The following ATP10B variants were observed in gnomAD, a reference collection of about 807,000 sequenced individuals.
ATP10B encodes phospholipid-transporting ATPase VB.
ATP10B carries 122 observed loss-of-function variants against 141.2 expected under a neutral mutation model. That is an observed-to-expected ratio of 0.86 (90% CI 0.75 to 1.00). The LOEUF is 1.00. ATP10B is among the 50% of genes least tolerant of loss of function. The pLI, the probability that ATP10B is intolerant of heterozygous loss-of-function variation, is 0.00. For synonymous variants in ATP10B, 685 were observed against 692.0 expected (o/e 0.99, Z 0.16); for missense variants, 1,876 against 1,825.3 (o/e 1.03, Z -0.51).
At chr5:160,820,937 A>G (rs970146661) in intron 1 of ATP10B, among the ~76,000 whole-genome samples, 5 of 152,158 alleles carry the variant, frequency 3.3e-5, no homozygotes, top group Admixed American at 6.6e-5. Context: ...CAGGCATCAT[A>G]TTGAATTGAG....
At chr5:160,684,795 C>T (rs371887044) in intron 6 of ATP10B, 13 of 633,008 alleles carry the variant, frequency 2.1e-5, no homozygotes, top group Admixed American at 5.2e-5. Flanking sequence ...ACAAAAAGAT[C>T]AGGCTGGGCC....
At chr5:160,798,270 G>A (rs1312249876) in intron 1 of ATP10B, among the ~76,000 whole-genome samples, 1 of 152,138 alleles carries the variant, frequency 6.6e-6, no homozygotes, top group Non-Finnish European at 1.5e-5. Flanking sequence ...GGGTTATATT[G>A]GGTTGGAAAA....
chr5:160,678,581 C>T (rs569657559), intron 6 of ATP10B, among the ~76,000 whole-genome samples: 13 of 152,252 alleles, frequency 8.5e-5, no homozygotes, highest in East Asian at 3.9e-4. Flanking sequence ...ATCCCCAGCC[C>T]GGGAGGCAGA....
chr5:160,802,890 G>C (rs918421436), intron 1 of ATP10B, among the ~76,000 whole-genome samples: 2 of 152,146 alleles, frequency 1.3e-5, no homozygotes, highest in Non-Finnish European at 2.9e-5. Flanking sequence ...TCAGTTTCAC[G>C]ATTCTTCATC....
intron 1 of ATP10B, among the ~76,000 whole-genome samples, chr5:160,850,243 T>TA (rs1473446894): frequency 6.6e-6 from 1 of 151,860 alleles, no homozygotes; most frequent in African/African-American, 2.4e-5. Context: ...CCGTCTCTAC[T>TA]AAAAAACAAA....
intron 1 of ATP10B, among the ~76,000 whole-genome samples, chr5:160,841,928 T>C (rs1775833224): frequency 6.6e-6 from 1 of 152,164 alleles, no homozygotes; most frequent in Non-Finnish European, 1.5e-5. Flanking sequence ...TTTCACCATG[T>C]TGGCCAAGGA....
intron 1 of ATP10B, among the ~76,000 whole-genome samples, chr5:160,791,901 A>G (rs1045332676): frequency 2.0e-5 from 3 of 152,088 alleles, no homozygotes; most frequent in African/African-American, 7.2e-5. Flanking sequence ...GGATTACTGG[A>G]TGGTTCTCAA....
intron 1 of ATP10B, among the ~76,000 whole-genome samples, chr5:160,839,814 A>T (rs1314447885): frequency 6.6e-6 from 1 of 152,112 alleles, no homozygotes; most frequent in Non-Finnish European, 1.5e-5. Flanking sequence ...AGGCAAATGA[A>T]AACAATAAGG....
chr5:160,817,116 C>A lies in ATP10B; in HGVS notation c.-575-31313G>T, dbSNP rs190532145. On this transcript the variant is annotated intron_variant, in intron 1 of 25. Transcript: ENST00000327245. The stretch of plus-strand genomic sequence containing the variant: ...ACAAGACAGGGATGCCCTCTCTCAC[C>A]ACTCCTATTCAACATAATGTTGGAA... Among the ~76,000 whole-genome samples the A allele has an allele frequency of 1.2e-3, 180 of 152,258 alleles. 3 individuals carry two copies. The East Asian group carries it at 0.033, about 28-fold the overall frequency.
chr5:160,762,412 C>T (rs182652583), intron 2 of ATP10B, among the ~76,000 whole-genome samples: 9 of 152,248 alleles, frequency 5.9e-5, no homozygotes, highest in Non-Finnish European at 8.8e-5. Flanking sequence ...TATCGTTAGC[C>T]TCCTTAACAA....
At chr5:160,583,403 G>A (rs746961548) in intron 24 of ATP10B, among the ~76,000 whole-genome samples, 2 of 152,198 alleles carry the variant, frequency 1.3e-5, no homozygotes, top group African/African-American at 2.4e-5. Flanking sequence ...AGCAGAGGCT[G>A]CAGAACAGCA....
chr5:160,864,696 T>C, the ATP10B span, among the ~76,000 whole-genome samples: 2 of 151,948 alleles, frequency 1.3e-5, no homozygotes, highest in African/African-American at 4.8e-5. Context: ...TCCAAAAAGC[T>C]CAGACCTGAT....
intron 1 of ATP10B, among the ~76,000 whole-genome samples, chr5:160,816,905 A>G (rs865836925): frequency 6.6e-6 from 1 of 152,236 alleles, no homozygotes; most frequent in Non-Finnish European, 1.5e-5. Context: ...CAAAAACCAT[A>G]TAATTATCTC....
chr5:160,888,550 C>T, the ATP10B span, among the ~76,000 whole-genome samples: 1 of 152,196 alleles, frequency 6.6e-6, no homozygotes, highest in Non-Finnish European at 1.5e-5. Flanking sequence ...ATAAGACAAT[C>T]TGCTTCTTGA....
intron 1 of ATP10B, among the ~76,000 whole-genome samples, chr5:160,819,191 A>G (rs1773917528): frequency 6.6e-6 from 1 of 152,152 alleles, no homozygotes; most frequent in Non-Finnish European, 1.5e-5. Flanking sequence ...GATAAAAGAA[A>G]CAAATCACAT....
At chr5:160,823,077 G>A (rs1190828745) in intron 1 of ATP10B, among the ~76,000 whole-genome samples, 3 of 133,350 alleles carry the variant, frequency 2.2e-5, no homozygotes, top group African/African-American at 5.5e-5. Flanking sequence ...AAGGATAAAT[G>A]CTGAGGTGAT....
the ATP10B span, among the ~76,000 whole-genome samples, chr5:160,928,066 G>T: frequency 0.12 from 18,342 of 152,192 alleles, 1,495 homozygotes; most frequent in African/African-American, 0.22. Context: ...GACCTGATAT[G>T]AGGTGAGGGT....
chr5:160,840,838 A>G (rs1424161990), intron 1 of ATP10B, among the ~76,000 whole-genome samples: 1 of 152,222 alleles, frequency 6.6e-6, no homozygotes, highest in Non-Finnish European at 1.5e-5. Flanking sequence ...GGCCTTGAAC[A>G]TATGAAAAGC....
intron 25 of ATP10B, among the ~76,000 whole-genome samples, chr5:160,567,413 T>C (rs1011570852): frequency 2.6e-5 from 4 of 152,210 alleles, no homozygotes; most frequent in Non-Finnish European, 5.9e-5. Flanking sequence ...CTTGAGGAAA[T>C]GCCCCCTCCA....
Sources: allele counts gnomAD v4.1 joint callset (sites outside exome capture counted in the v4.1 genomes callset), GRCh38; gene constraint gnomAD v4.1.1; transcripts MANE v1.5; gene names NCBI Gene and HGNC (gene_info 2026-07-23, HGNC 2026-07-21).